NDST3: variants seen among roughly 807,000 people sequenced by gnomAD.
NDST3 encodes the protein bifunctional heparan sulfate N-deacetylase/N-sulfotransferase 3.
A neutral mutation model predicts 96.1 loss-of-function variants in NDST3; 58 were observed. The ratio of observed to expected loss-of-function variants is 0.60; its 90% CI spans 0.49 to 0.75. The LOEUF (loss-of-function observed/expected upper bound fraction) is 0.75, where lower values mean the gene tolerates loss of function less well. Ranked by LOEUF, NDST3 falls within the 30% of genes least tolerant of loss-of-function variation. NDST3 has a pLI of 0.00. For missense variants in NDST3, 788 were observed against 1,034.2 expected, an observed-to-expected ratio of 0.76 and a Z score of 3.27; for synonymous variants, 333 against 359.7, an observed-to-expected ratio of 0.93 and a Z score of 0.84.
intron 2 of NDST3, among the ~76,000 whole-genome samples, chr4:118,077,783 G>A (rs1194261382): frequency 2.0e-5 from 3 of 152,238 alleles, no homozygotes; most frequent in Non-Finnish European, 2.9e-5. Flanking sequence ...AGTGGGTGGA[G>A]CCCACCTAAT....
chr4:118,218,682 T>A (rs1252876698), intron 6 of NDST3, among the ~76,000 whole-genome samples: 6 of 152,152 alleles, frequency 3.9e-5, no homozygotes, highest in Admixed American at 3.9e-4. Context: ...GTATTGGAAG[T>A]TCGGCCCAAG....
chr4:118,125,649 C>T (rs1023094676), intron 4 of NDST3, among the ~76,000 whole-genome samples: 14 of 151,980 alleles, frequency 9.2e-5, no homozygotes, highest in African/African-American at 3.4e-4. Flanking sequence ...ATTTCTAAAA[C>T]CACAAAGATT....
At chr4:118,175,098 C>T (rs1736192049) in intron 6 of NDST3, among the ~76,000 whole-genome samples, 1 of 152,098 alleles carries the variant, frequency 6.6e-6, no homozygotes, top group Non-Finnish European at 1.5e-5. Context: ...TGACTATAAC[C>T]CTCTGGTGTA....
intron 12 of NDST3, among the ~76,000 whole-genome samples, chr4:118,246,837 C>T (rs1187505155): frequency 6.6e-6 from 1 of 152,172 alleles, no homozygotes; most frequent in East Asian, 1.9e-4. Context: ...TTACCTCCAG[C>T]TGGTCCCGCC....
chr4:118,206,442 A>T (rs1392756457), intron 6 of NDST3, among the ~76,000 whole-genome samples: 2 of 144,444 alleles, frequency 1.4e-5, no homozygotes, highest in Non-Finnish European at 3.1e-5. Context: ...TACAGAGGAA[A>T]CTGTTTCAGG....
rs140424941 is a variant in NDST3, at chr4:118,133,132, G to T, written c.1225-4922G>T. Reference sequence around the variant, plus strand: ...CTCTAATCCCAATCCAGCACTAGGAGTTGCCTAGGAATTGAAGTCCTTGTG... The same window carrying T: ...CTCTAATCCCAATCCAGCACTAGGATTTGCCTAGGAATTGAAGTCCTTGTG... On this transcript the variant is annotated intron_variant, in intron 4 of 13. Transcript: ENST00000296499. Among the ~76,000 whole-genome samples the T allele has an allele frequency of 7.9e-5, 12 of 152,316 alleles. No individual in the cohort carries two copies. The East Asian group carries it at 2.3e-3, about 29-fold the overall frequency.
At chr4:118,110,380 A>G (rs908443580) in intron 3 of NDST3, among the ~76,000 whole-genome samples, 1 of 152,230 alleles carries the variant, frequency 6.6e-6, no homozygotes, top group African/African-American at 2.4e-5. Context: ...ATTTCAATTC[A>G]GGCTCTGTCT....
intron 3 of NDST3, among the ~76,000 whole-genome samples, chr4:118,109,508 C>G (rs1730470202): frequency 6.6e-6 from 1 of 152,154 alleles, no homozygotes. Context: ...TTGGGCACTT[C>G]CCACAGCTCA....
At chr4:118,176,983 T>G (rs1197742968) in intron 6 of NDST3, among the ~76,000 whole-genome samples, 1 of 151,960 alleles carries the variant, frequency 6.6e-6, no homozygotes, top group Non-Finnish European at 1.5e-5. Context: ...AAATAGACAA[T>G]GAATTATCTA....
intron 5 of NDST3, 22 bp downstream of exon 5, chr4:118,138,261 T>G: frequency 1.3e-6 from 2 of 1,598,794 alleles, no homozygotes; most frequent in Non-Finnish European, 1.7e-6. Context: ...CCAGTATGCA[T>G]AGGGTACAAC....
chr4:118,208,214 T>C lies in NDST3; in HGVS notation c.1540-16277T>C, dbSNP rs1280104103. On this transcript the variant is annotated intron_variant, in intron 6 of 13. Coordinates refer to ENST00000296499, the MANE Select transcript of NDST3 (RefSeq NM_004784.3). ...AATTTTTAATAGATACATGGTTTAG[T>C]TACAGTCTTTTATGAACTTCTCACC... Among the ~76,000 whole-genome samples, 3 of 143,916 alleles carry C rather than the reference T, an allele frequency of 2.1e-5. 1 individual carries two copies. The highest frequency in any genetic ancestry group is 7.7e-5 in the African/African-American group (3 of 38,834). The allele number at this position is 143,916 out of a possible 152,430, so 94.4% of individuals were successfully genotyped here. A position where few individuals can be genotyped will look rare whatever the true frequency, so the allele number is the denominator to read the frequency against.
At chr4:118,092,189 T>C (rs943749855) in intron 2 of NDST3, among the ~76,000 whole-genome samples, 10 of 150,564 alleles carry the variant, frequency 6.6e-5, no homozygotes, top group African/African-American at 2.2e-4. Flanking sequence ...ATTAGGTATA[T>C]CTCCTAATGC....
intron 6 of NDST3, among the ~76,000 whole-genome samples, chr4:118,198,259 C>G (rs1251605000): frequency 6.6e-6 from 1 of 151,972 alleles, no homozygotes; most frequent in East Asian, 1.9e-4. Flanking sequence ...TCATGTCTTT[C>G]TTTTTGCGAA....
intron 8 of NDST3, among the ~76,000 whole-genome samples, chr4:118,227,540 A>C (rs531046884): frequency 6.6e-6 from 1 of 151,946 alleles, no homozygotes; most frequent in South Asian, 2.1e-4. Context: ...CCCAGGAGAA[A>C]TCTTTTGCAC....
intron 4 of NDST3, among the ~76,000 whole-genome samples, chr4:118,133,819 C>G (rs1732842390): frequency 6.6e-6 from 1 of 152,168 alleles, no homozygotes; most frequent in Admixed American, 6.5e-5. Context: ...AGGAGGTAGT[C>G]AGAATCAGAT....
chr4:118,046,221 C>A (rs13133776), intron 1 of NDST3, among the ~76,000 whole-genome samples: 97,210 of 152,024 alleles, frequency 0.64, 34,456 homozygotes, highest in South Asian at 0.82. Flanking sequence ...CCACCCTCAC[C>A]ATGTGCCTAT....
At chr4:118,202,418 C>A (rs746428140) in intron 6 of NDST3, among the ~76,000 whole-genome samples, 2 of 152,152 alleles carry the variant, frequency 1.3e-5, no homozygotes, top group African/African-American at 2.4e-5. Flanking sequence ...ACAGTATGGC[C>A]ATTTTTACGA....
At chr4:118,106,087 G>A (rs1310997334) in intron 3 of NDST3, among the ~76,000 whole-genome samples, 4 of 152,062 alleles carry the variant, frequency 2.6e-5, no homozygotes, top group African/African-American at 9.7e-5. Flanking sequence ...TATGTTGGCT[G>A]GCTATTTGGA....
intron 12 of NDST3, among the ~76,000 whole-genome samples, chr4:118,250,926 C>T (rs1001634246): frequency 1.3e-5 from 2 of 151,330 alleles, no homozygotes; most frequent in African/African-American, 4.8e-5. Flanking sequence ...TTTCTTGTGT[C>T]TTTATGAGAG....
Sources: allele counts gnomAD v4.1 joint callset (sites outside exome capture counted in the v4.1 genomes callset), GRCh38; gene constraint gnomAD v4.1.1; transcripts MANE v1.5; gene names NCBI Gene and HGNC (gene_info 2026-07-23, HGNC 2026-07-21).